CUEDC1: variants seen among roughly 807,000 people sequenced by gnomAD.
CUEDC1 encodes the protein CUE domain containing 1.
A neutral mutation model predicts 43.7 loss-of-function variants in CUEDC1; 30 were observed. That is an observed-to-expected ratio of 0.69 (90% CI 0.51 to 0.93). The LOEUF is 0.93. CUEDC1 is among the 40% of genes least tolerant of loss of function. The pLI is 0.00. For synonymous variants in CUEDC1, 223 were observed against 223.6 expected, an observed-to-expected ratio of 1.00 and a Z score of 0.02; for missense variants, 486 against 549.0, an observed-to-expected ratio of 0.89 and a Z score of 1.15.
rs142375120 is a variant in CUEDC1, at chr17:57,879,717, G to A, written c.358C>T (p.Pro120Ser). The change falls in exon 3 of 11, where the codon CCT becomes TCT. Residue 120 changes from proline to serine, a missense_variant. Physicochemically the swap from Pro to Ser is moderately conservative, Grantham distance 74 (BLOSUM62 -1). Coordinates refer to ENST00000577830, the MANE Select transcript of CUEDC1 (RefSeq NM_001271875.2). ...GGGGGCTCTTCATCCGAGCTATCAGGTTCCAAAGTCCTTTCCAAGATCTAA... is the reference window on the plus strand; with the variant it reads ...GGGGGCTCTTCATCCGAGCTATCAGATTCCAAAGTCCTTTCCAAGATCTAA... Reference protein sequence around the residue: ...PPEILERTLEPDSSDEEPPPV... With the variant: ...PPEILERTLESDSSDEEPPPV... 59 of 1,599,204 alleles carry A rather than the reference G, an allele frequency of 3.7e-5. No individual in the cohort carries two copies. Among genetic ancestry groups the A allele is most frequent in the Middle Eastern group, 1.7e-4 (1 of 6,060 alleles).
chr17:57,926,257 C>A (rs1254982623), intron 1 of CUEDC1, among the ~76,000 whole-genome samples: 2 of 152,166 alleles, frequency 1.3e-5, no homozygotes, highest in African/African-American at 4.8e-5. Context: ...ACCAAAGGTG[C>A]CTCTGCATGG....
At chr17:57,898,568 T>C (rs2074437715) in intron 1 of CUEDC1, among the ~76,000 whole-genome samples, 1 of 152,146 alleles carries the variant, frequency 6.6e-6, no homozygotes, top group African/African-American at 2.4e-5. Flanking sequence ...GGATTGACTG[T>C]GGTGGGCATG....
chr17:57,874,210 C>T (rs181030336), intron 3 of CUEDC1, among the ~76,000 whole-genome samples: 191 of 152,314 alleles, frequency 1.3e-3, no homozygotes, highest in African/African-American at 4.4e-3. Flanking sequence ...AGGATCCCTA[C>T]AGAGGGTAAA....
rs748155195 is a variant in CUEDC1, at chr17:57,872,770, C to A, written c.677G>T (p.Arg226Leu). Residue 226 changes from arginine to leucine, a missense_variant, in exon 5 of 11, where the codon CGC becomes CTC. Transcript: ENST00000577830. The stretch of plus-strand genomic sequence containing the variant: ...CTCGTCCTCCAGGTACTGCTTCCAG[C>A]GGCTCTCCTGGTCTCCGGGCCCTGG... ...AGPGPGDQES[R>L]WKQYLEDERI... is the part of the protein sequence containing the mutation. The A allele has an allele frequency of 3.1e-6, 5 of 1,614,210 alleles. No homozygotes were observed. Among genetic ancestry groups the A allele is most frequent in the South Asian group, 2.2e-5 (2 of 91,090 alleles).
intron 1 of CUEDC1, among the ~76,000 whole-genome samples, chr17:57,935,462 CTTCTT>C (rs1350933934): frequency 2.6e-5 from 4 of 152,030 alleles, no homozygotes; most frequent in South Asian, 2.1e-4. Context: ...GGTGCTTACT[CTTCTT>C]TTCATTCTCC....
rs548725315 is a variant in CUEDC1 at position 57,949,469 on chromosome 17, A to T, written c.-316+5756T>A. On this transcript the variant is annotated intron_variant, in intron 1 of 10. Coordinates refer to ENST00000577830, the MANE Select transcript of CUEDC1 (RefSeq NM_001271875.2). ...AACGATGCCTGGACATTGCACTGGCAGCCCTTCAAGCAGGACACAAATCCC... is the reference window on the plus strand; with the variant it reads ...AACGATGCCTGGACATTGCACTGGCTGCCCTTCAAGCAGGACACAAATCCC... 2.6e-5 allele frequency among the ~76,000 whole-genome samples: 4 copies of T among 151,774 alleles called. No homozygotes were observed. In the South Asian group the frequency reaches 8.3e-4, roughly 32 times the overall value.
chr17:57,871,443 G>T, intron 5 of CUEDC1, 74 bp from the exon 6 acceptor site: 1 of 1,278,588 alleles, frequency 7.8e-7, no homozygotes, highest in South Asian at 1.2e-5. Flanking sequence ...GCTGGGACAC[G>T]GTAGTTTGCT....
At chr17:57,905,102 G>A (rs1421341621) in intron 1 of CUEDC1, among the ~76,000 whole-genome samples, 1 of 152,098 alleles carries the variant, frequency 6.6e-6, no homozygotes, top group Non-Finnish European at 1.5e-5. Context: ...CTTTACAGGT[G>A]GCCTTTTGCC....
In CUEDC1 at chr17:57,866,546, T is replaced by C. The variant is rs372815908; in HGVS notation, c.1094-2A>G. The C allele has an allele frequency of 1.6e-5, 26 of 1,613,970 alleles. No individual in the cohort carries two copies. Among genetic ancestry groups the C allele is most frequent in the Non-Finnish European group, 2.2e-5 (26 of 1,179,960 alleles). ...GACGCCTGCCCCGGAAGTCTTCATC[T>C]GAAAAGGAGAGGGAAGCTGCCTCAT... On this transcript the variant is annotated splice_acceptor_variant, in intron 9 of 10. Coordinates refer to ENST00000577830, the MANE Select transcript of CUEDC1 (RefSeq NM_001271875.2). LOFTEE classifies it high-confidence loss of function.
At chr17:57,952,885 C>G (rs990742370) in intron 1 of CUEDC1, among the ~76,000 whole-genome samples, 1 of 152,108 alleles carries the variant, frequency 6.6e-6, no homozygotes, top group Non-Finnish European at 1.5e-5. Context: ...TTCCAGATCC[C>G]TAGCAAGTGT....
At chr17:57,926,883 G>C (rs571337494) in intron 1 of CUEDC1, among the ~76,000 whole-genome samples, 5 of 152,072 alleles carry the variant, frequency 3.3e-5, no homozygotes, top group Admixed American at 2.0e-4. Context: ...GTGCCACACC[G>C]GGCCTCTTGG....
chr17:57,866,686 T>C (rs2073964411), intron 9 of CUEDC1, 142 bp from the exon 10 acceptor site: 14 of 728,704 alleles, frequency 1.9e-5, no homozygotes, highest in South Asian at 6.9e-5. Context: ...AGGTAGACGA[T>C]GCATGGGTCC....
intron 1 of CUEDC1, among the ~76,000 whole-genome samples, chr17:57,914,190 GGA>G (rs1281666600): frequency 6.6e-6 from 1 of 152,200 alleles, no homozygotes; most frequent in African/African-American, 2.4e-5. Context: ...CAGAAGAAAG[GGA>G]GAGGAGGAGA....
intron 1 of CUEDC1, among the ~76,000 whole-genome samples, chr17:57,900,581 G>A (rs1026489759): frequency 3.9e-5 from 6 of 152,166 alleles, no homozygotes; most frequent in African/African-American, 7.2e-5. Flanking sequence ...AGTACTTCTC[G>A]TGCATCACAT....
At chr17:57,899,471 G>T (rs554599736) in intron 1 of CUEDC1, among the ~76,000 whole-genome samples, 1 of 152,226 alleles carries the variant, frequency 6.6e-6, no homozygotes, top group African/African-American at 2.4e-5. Flanking sequence ...TCCACATGGT[G>T]CATGTTGCCA....
In CUEDC1 at chr17:57,883,480, T is replaced by A. The variant is rs144969054; in HGVS notation, c.336+1749A>T. Among the ~76,000 whole-genome samples the A allele has an allele frequency of 1.6e-3, 240 of 152,270 alleles. 1 individual carries two copies. The highest frequency in any genetic ancestry group is 5.6e-3 in the African/African-American group (232 of 41,548). On this transcript the variant is annotated intron_variant, in intron 2 of 10. Coordinates refer to ENST00000577830, the MANE Select transcript of CUEDC1 (RefSeq NM_001271875.2). ...GGCTCATGCCTGTAATCCCAATACT[T>A]TGGGAGGCCGAGGCGGGCAGATCAC...
chr17:57,871,269 C>T lies in CUEDC1; in HGVS notation c.868+17G>A. ...CCACTATGCCTCTAGGTTTTCTTCC[C>T]CAGAAGGCAAAGTTACCTGGGACAG... is the stretch of plus-strand genomic sequence containing the variant. On this transcript the variant is annotated intron_variant, in intron 6 of 10. Transcript: ENST00000577830. 6.2e-7 allele frequency: 1 copy of T among 1,606,526 alleles called. No individual in the cohort carries two copies. The highest frequency in any genetic ancestry group is 1.3e-5 in the African/African-American group (1 of 74,874).
At chr17:57,905,535 T>C (rs1381483538) in intron 1 of CUEDC1, among the ~76,000 whole-genome samples, 1 of 152,164 alleles carries the variant, frequency 6.6e-6, no homozygotes, top group Non-Finnish European at 1.5e-5. Flanking sequence ...TCAGCTCACA[T>C]TCCCCAAACA....
chr17:57,874,678 C>T (rs1022135942), intron 3 of CUEDC1, among the ~76,000 whole-genome samples: 2 of 152,178 alleles, frequency 1.3e-5, no homozygotes, highest in Admixed American at 6.5e-5. Context: ...AGGAAAACGG[C>T]ACACTGAGAA....
Sources: allele counts gnomAD v4.1 joint callset (sites outside exome capture counted in the v4.1 genomes callset), GRCh38; gene constraint gnomAD v4.1.1; transcripts MANE v1.5; gene names NCBI Gene and HGNC (gene_info 2026-07-23, HGNC 2026-07-21).